The following ATP8B4 variants were observed in gnomAD, a reference collection of about 807,000 sequenced individuals.
ATP8B4 encodes probable phospholipid-transporting ATPase IM.
ATP8B4 carries 133 observed loss-of-function variants against 145.6 expected under a neutral mutation model. The observed-to-expected ratio is 0.91, with a 90% CI of 0.79 to 1.05. The LOEUF is 1.05. ATP8B4 is among the 50% of genes least tolerant of loss of function. The pLI, the probability that ATP8B4 is intolerant of heterozygous loss-of-function variation, is 0.00. For synonymous variants in ATP8B4, 507 were observed against 492.9 expected (o/e 1.03, Z -0.38); for missense variants, 1,458 against 1,425.2 (o/e 1.02, Z -0.37).
chr15:50,093,049 A>G (rs540733277), intron 2 of ATP8B4, among the ~76,000 whole-genome samples: 26 of 152,216 alleles, frequency 1.7e-4, no homozygotes, highest in African/African-American at 5.8e-4. Context: ...CAATGGAAAG[A>G]TATCTTTAAA....
intron 2 of ATP8B4, among the ~76,000 whole-genome samples, chr15:50,094,628 GTATA>G (rs924900591): frequency 3.0e-4 from 44 of 144,434 alleles, no homozygotes; most frequent in Non-Finnish European, 5.7e-4. Flanking sequence ...ACATATACGT[GTATA>G]TATATTTTTA....
intron 24 of ATP8B4, among the ~76,000 whole-genome samples, 193 bp downstream of exon 24, chr15:49,879,183 C>T (rs1031821722): frequency 3.9e-5 from 6 of 152,056 alleles, no homozygotes; most frequent in Admixed American, 1.3e-4. Context: ...TCAAATAATG[C>T]TTTTGGGGAA....
At chr15:49,921,978 C>T (rs1447449324) in intron 17 of ATP8B4, among the ~76,000 whole-genome samples, 3 of 152,210 alleles carry the variant, frequency 2.0e-5, no homozygotes, top group Non-Finnish European at 4.4e-5. Context: ...TTACCACTGC[C>T]TTCCTCTCTG....
At chr15:49,957,283 T>C (rs181656124) in intron 14 of ATP8B4, among the ~76,000 whole-genome samples, 1 of 152,154 alleles carries the variant, frequency 6.6e-6, no homozygotes, top group Non-Finnish European at 1.5e-5. Context: ...TTTAAAGTAT[T>C]ATGTAAACAC....
At chr15:50,010,297 T>C (rs546057467) in intron 7 of ATP8B4, among the ~76,000 whole-genome samples, 2 of 152,232 alleles carry the variant, frequency 1.3e-5, no homozygotes, top group African/African-American at 4.8e-5. Context: ...AAGGAAATTA[T>C]AACATAGGCC....
intron 2 of ATP8B4, among the ~76,000 whole-genome samples, chr15:50,090,437 C>A (rs143424222): frequency 6.6e-6 from 1 of 152,248 alleles, no homozygotes; most frequent in African/African-American, 2.4e-5. Flanking sequence ...GTGATTAGGT[C>A]ATGAAGGCAG....
chr15:50,129,081 A>C (rs1019822381), intron 1 of ATP8B4, among the ~76,000 whole-genome samples: 1 of 152,146 alleles, frequency 6.6e-6, no homozygotes, highest in African/African-American at 2.4e-5. Context: ...AAAATAAATA[A>C]ATAAATAAAA....
chr15:50,106,916 C>A, intron 2 of ATP8B4, 23 bp downstream of exon 2: 1 of 1,581,966 alleles, frequency 6.3e-7, no homozygotes, highest in South Asian at 1.2e-5. Flanking sequence ...CACTTTGCAT[C>A]ATTGGAAGAA....
chr15:50,140,437 G>A lies in ATP8B4; in HGVS notation c.-42-33429C>T, dbSNP rs560841716. Among the ~76,000 whole-genome samples, 4 of 152,234 alleles carry A rather than the reference G, an allele frequency of 2.6e-5. No homozygotes were observed. The East Asian group carries it at 7.7e-4, about 29-fold the overall frequency. ...CCATAATTATATCCCTGTCTACCCA[G>A]CACTGGGTTGGATCAACACTAGAAA... is the stretch of plus-strand genomic sequence containing the variant. On this transcript the variant is annotated intron_variant, in intron 1 of 3. Coordinates refer to the ATP8B4 transcript ENST00000558829.
At chr15:49,979,467 A>T (rs942589967) in intron 12 of ATP8B4, 150 bp downstream of exon 12, 2 of 538,056 alleles carry the variant, frequency 3.7e-6, no homozygotes, top group East Asian at 6.1e-5. Context: ...CAGATTAAAC[A>T]GCTAAGCTGT....
At chr15:49,965,650 G>A (rs916611513) in intron 13 of ATP8B4, among the ~76,000 whole-genome samples, 5 of 152,156 alleles carry the variant, frequency 3.3e-5, no homozygotes, top group African/African-American at 9.7e-5. Flanking sequence ...AGGCAGCCCC[G>A]TAAATGAATA....
intron 25 of ATP8B4, among the ~76,000 whole-genome samples, chr15:49,871,766 C>T (rs1042498143): frequency 2.0e-5 from 3 of 152,186 alleles, no homozygotes; most frequent in African/African-American, 7.2e-5. Flanking sequence ...AGCCTCTACT[C>T]ATTCTGCTTC....
In ATP8B4 at chr15:49,866,411, G is replaced by T. The variant is rs933496270; in HGVS notation, c.3101C>A (p.Ser1034Tyr). The change falls in exon 26 of 28, where the codon TCC becomes TAC. Residue 1034 changes from serine to tyrosine, a missense_variant. Transcript: ENST00000284509. Reference sequence around the variant, plus strand: ...ATTACTGTGCATTGTAAATAAAATGGAGAAATAAATGGCAATGCTCCCCCA... The same window carrying T: ...ATTACTGTGCATTGTAAATAAAATGTAGAAATAAATGGCAATGCTCCCCCA... ...FIWGSIAIYF[S>Y]ILFTMHSNGI... The T allele has an allele frequency of 1.2e-6, 2 of 1,613,848 alleles. No homozygotes were observed. The highest frequency in any genetic ancestry group is 2.2e-5 in the South Asian group (2 of 91,080).
chr15:50,179,275 T>C (rs2044809408), intron 1 of ATP8B4, among the ~76,000 whole-genome samples: 1 of 152,212 alleles, frequency 6.6e-6, no homozygotes, highest in Non-Finnish European at 1.5e-5. Context: ...AAATAAAGTT[T>C]AAATTTCATT....
intron 1 of ATP8B4, among the ~76,000 whole-genome samples, chr15:50,154,498 C>T (rs368552126): frequency 2.6e-5 from 4 of 152,160 alleles, no homozygotes; most frequent in African/African-American, 9.6e-5. Context: ...TACTAATCAG[C>T]AATTTAACTA....
chr15:49,934,685 G>A (rs1316616521), intron 14 of ATP8B4, among the ~76,000 whole-genome samples: 2 of 152,020 alleles, frequency 1.3e-5, no homozygotes, highest in Admixed American at 1.3e-4. Context: ...TGGAGTTATT[G>A]CACAATAAAA....
intron 9 of ATP8B4, among the ~76,000 whole-genome samples, chr15:49,995,278 A>G (rs1599694400): frequency 6.6e-6 from 1 of 152,186 alleles, no homozygotes; most frequent in Non-Finnish European, 1.5e-5. Flanking sequence ...GTAATAGTAA[A>G]TTATATTTAG....
rs532928753 is a variant in ATP8B4 at position 49,866,613 on chromosome 15, C to G, written c.3028-129G>C. On this transcript the variant is annotated intron_variant, in intron 25 of 27. Transcript: ENST00000284509. ...ACCTGCCTAGTTGCCAAGCCAACCGCGGGCATCCCCACTTTCTGAACACAC... is the reference window on the plus strand; with the variant it reads ...ACCTGCCTAGTTGCCAAGCCAACCGGGGGCATCCCCACTTTCTGAACACAC... 6 of 1,028,002 alleles carry G rather than the reference C, an allele frequency of 5.8e-6. No homozygotes were observed. The Admixed American group carries it at 1.4e-4, about 24-fold the overall frequency. 63.7% of individuals were successfully genotyped at this position (1,028,002 alleles called of 1,614,324 possible). A position where few individuals can be genotyped will look rare whatever the true frequency, so the allele number is the denominator to read the frequency against.
chr15:50,174,167 A>T (rs535468887), intron 1 of ATP8B4, among the ~76,000 whole-genome samples: 1 of 152,330 alleles, frequency 6.6e-6, no homozygotes, highest in East Asian at 1.9e-4. Context: ...GCCATCTATG[A>T]CAAACCCACA....
Sources: allele counts gnomAD v4.1 joint callset (sites outside exome capture counted in the v4.1 genomes callset), GRCh38; gene constraint gnomAD v4.1.1; transcripts MANE v1.5; gene names NCBI Gene and HGNC (gene_info 2026-07-23, HGNC 2026-07-21).